Variants in LINGO2 observed in about 807,000 individuals in gnomAD.
LINGO2 encodes the protein leucine rich repeat and Ig domain containing 2.
In LINGO2, 14 loss-of-function variants were observed where a neutral mutation model predicts 30.6. That is an observed-to-expected ratio of 0.46 (90% confidence interval 0.30 to 0.72). The LOEUF is 0.72. Ranked by LOEUF, LINGO2 falls within the 30% of genes least tolerant of loss-of-function variation. The pLI, the probability that LINGO2 is intolerant of heterozygous loss-of-function variation, is 0.07. For missense variants in LINGO2, 729 were observed against 751.7 expected (o/e 0.97, Z 0.35); for synonymous variants, 317 against 288.5 (o/e 1.10, Z -1.00).
intron 1 of LINGO2, among the ~76,000 whole-genome samples, chr9:28,541,534 C>G (rs955799509): frequency 1.3e-5 from 2 of 152,134 alleles, no homozygotes; most frequent in Non-Finnish European, 2.9e-5. Context: ...AGGAAGAAAA[C>G]TTCCGATGTG....
At chr9:28,374,037 GT>G (rs1218616972) in intron 2 of LINGO2, among the ~76,000 whole-genome samples, 5 of 151,930 alleles carry the variant, frequency 3.3e-5, no homozygotes, top group African/African-American at 1.2e-4. Context: ...AATCACAAAG[GT>G]TTCTCCTTTA....
At chr9:28,056,602 G>GC (rs1354714994) in intron 4 of LINGO2, among the ~76,000 whole-genome samples, 2 of 152,102 alleles carry the variant, frequency 1.3e-5, no homozygotes, top group African/African-American at 4.8e-5. Flanking sequence ...AAGCCAATTA[G>GC]CCCCTGGCAG....
At chr9:28,888,444 A>G in the LINGO2 span, among the ~76,000 whole-genome samples, 1 of 152,148 alleles carries the variant, frequency 6.6e-6, no homozygotes, top group Non-Finnish European at 1.5e-5. Context: ...AAAAAATTAG[A>G]TAACAATCTC....
the LINGO2 span, among the ~76,000 whole-genome samples, chr9:28,884,551 T>A: frequency 6.6e-6 from 1 of 152,044 alleles, no homozygotes; most frequent in African/African-American, 2.4e-5. Context: ...GGACAGAGGT[T>A]CAATTATCGA....
the LINGO2 span, among the ~76,000 whole-genome samples, chr9:28,676,423 T>C: frequency 2.6e-5 from 4 of 152,146 alleles, no homozygotes; most frequent in Non-Finnish European, 5.9e-5. Flanking sequence ...ATTGACTCTC[T>C]CTATACATGC....
chr9:28,051,835 TAA>T (rs1224875725), intron 4 of LINGO2, among the ~76,000 whole-genome samples: 3 of 151,714 alleles, frequency 2.0e-5, no homozygotes, highest in Admixed American at 2.0e-4. Context: ...AAATCCAAAT[TAA>T]AAAAACAGGA....
chr9:28,910,992 A>T, the LINGO2 span, among the ~76,000 whole-genome samples: 1 of 152,100 alleles, frequency 6.6e-6, no homozygotes, highest in Non-Finnish European at 1.5e-5. Flanking sequence ...TGTCTTTAAC[A>T]TCCAGTCACA....
At chr9:28,298,456 G>T (rs1325083742) in intron 3 of LINGO2, among the ~76,000 whole-genome samples, 1 of 146,440 alleles carries the variant, frequency 6.8e-6, no homozygotes, top group Non-Finnish European at 1.5e-5. Flanking sequence ...GAGGTCAAGA[G>T]ATCGAAACCA....
At chr9:28,551,694 T>C (rs1305526559) in intron 1 of LINGO2, among the ~76,000 whole-genome samples, 4 of 152,070 alleles carry the variant, frequency 2.6e-5, no homozygotes, top group African/African-American at 7.2e-5. Context: ...CTCTGCAATA[T>C]GATTATATTG....
intron 1 of LINGO2, among the ~76,000 whole-genome samples, chr9:28,637,126 G>C (rs1288535790): frequency 6.6e-6 from 1 of 152,116 alleles, no homozygotes; most frequent in African/African-American, 2.4e-5. Flanking sequence ...AAGATCAGAT[G>C]GTTGTAGATA....
At chr9:28,497,601 C>T (rs546531666) in intron 1 of LINGO2, among the ~76,000 whole-genome samples, 51 of 152,172 alleles carry the variant, frequency 3.4e-4, no homozygotes, top group Middle Eastern at 3.4e-3. Flanking sequence ...GTGATGGGTT[C>T]GAACTTCCTC....
chr9:28,986,302 G>C, the LINGO2 span, among the ~76,000 whole-genome samples: 1 of 151,920 alleles, frequency 6.6e-6, no homozygotes, highest in Admixed American at 6.6e-5. Context: ...TTAAATTCAG[G>C]TAGTGTGATG....
intron 4 of LINGO2, among the ~76,000 whole-genome samples, chr9:28,158,168 A>C (rs1021032586): frequency 1.3e-5 from 2 of 152,200 alleles, no homozygotes; most frequent in African/African-American, 2.4e-5. Context: ...GCAGAAGGTG[A>C]AAGGCACATC....
At chr9:28,337,634 TTGG>T (rs1825632936) in intron 3 of LINGO2, among the ~76,000 whole-genome samples, 1 of 152,164 alleles carries the variant, frequency 6.6e-6, no homozygotes, top group Admixed American at 6.5e-5. Flanking sequence ...CTGTGCAGCC[TTGG>T]GACATGGTTC....
chr9:29,180,398 T>C, the LINGO2 span, among the ~76,000 whole-genome samples: 1 of 152,336 alleles, frequency 6.6e-6, no homozygotes, highest in Non-Finnish European at 1.5e-5. Context: ...TGGTTGAATG[T>C]ATATCCTTCT....
chr9:28,249,880 C>T (rs1251620401), intron 4 of LINGO2, among the ~76,000 whole-genome samples: 3 of 152,112 alleles, frequency 2.0e-5, no homozygotes, highest in African/African-American at 7.2e-5. Context: ...CAATTTTAAT[C>T]AGAGAAAGGG....
chr9:28,886,593 T>C, the LINGO2 span, among the ~76,000 whole-genome samples: 2 of 152,186 alleles, frequency 1.3e-5, no homozygotes, highest in African/African-American at 2.4e-5. Context: ...ATTTCTTTTG[T>C]TGCTTATTTC....
intron 2 of LINGO2, among the ~76,000 whole-genome samples, chr9:28,436,921 G>A (rs952265909): frequency 6.6e-6 from 1 of 152,182 alleles, no homozygotes; most frequent in Admixed American, 6.5e-5. Context: ...TGTGGAGAGG[G>A]TCATATGATA....
chr9:28,481,870 G>T (rs181729472), intron 1 of LINGO2, among the ~76,000 whole-genome samples: 1,684 of 151,584 alleles, frequency 0.011, 27 homozygotes, highest in South Asian at 0.023. Context: ...GAGAATATGC[G>T]GTGTTTGGTT....
Sources: allele counts gnomAD v4.1 joint callset (sites outside exome capture counted in the v4.1 genomes callset), GRCh38; gene constraint gnomAD v4.1.1; transcripts MANE v1.5; gene names NCBI Gene and HGNC (gene_info 2026-07-23, HGNC 2026-07-21).